TRPV1: variants seen among roughly 807,000 people sequenced by gnomAD.
TRPV1 encodes transient receptor potential cation channel subfamily V member 1.
A neutral mutation model predicts 82.3 loss-of-function variants in TRPV1; 82 were observed. That is an observed-to-expected ratio of 1.00 (90% CI 0.83 to 1.20). The LOEUF (loss-of-function observed/expected upper bound fraction) is 1.20, where lower values mean the gene tolerates loss of function less well. Among genes scored for constraint, TRPV1 ranks in the 50% most tolerant of loss-of-function variants. The probability of loss-of-function intolerance (pLI) is 0.00; values close to 1 mark genes in which losing one functional copy is unlikely to be tolerated. For synonymous variants in TRPV1, 515 were observed against 467.7 expected, an observed-to-expected ratio of 1.10 and a Z score of -1.30; for missense variants, 1,067 against 1,096.8, an observed-to-expected ratio of 0.97 and a Z score of 0.38.
intron 9 of TRPV1, 100 bp downstream of exon 9, chr17:3,585,668 G>A (rs2075074868): frequency 7.0e-7 from 1 of 1,424,614 alleles, no homozygotes; most frequent in East Asian, 2.5e-5. Context: ...GGAGTCCAGG[G>A]CAGAGCCTGG....
chr17:3,576,688 T>TATATATATATATATGC (rs1555549476), intron 13 of TRPV1, among the ~76,000 whole-genome samples: 1 of 99,306 alleles, frequency 1.0e-5, no homozygotes, highest in African/African-American at 3.5e-5. Flanking sequence ...TATATATATA[T>TATATATATATATATGC]ATGCATAAAA....
At chr17:3,588,595 G>A (rs2075113418) in intron 7 of TRPV1, among the ~76,000 whole-genome samples, 1 of 152,038 alleles carries the variant, frequency 6.6e-6, no homozygotes, top group Non-Finnish European at 1.5e-5. Context: ...GATCACCTGA[G>A]GTCAGGATTT....
At chr17:3,573,551 C>CCCCCCCCCCCCCCCCCCCCCTG in intron 14 of TRPV1, 82 bp downstream of exon 14, 1 of 635,234 alleles carries the variant, frequency 1.6e-6, no homozygotes, top group Non-Finnish European at 2.1e-6. Context: ...ACCCACCCAC[C>CCCCCCCCCCCCCCCCCCCCCTG]TGCAGCCAGC....
At chr17:3,576,668 A>AAAAAAAAAAAAAAAAAAAAT in intron 13 of TRPV1, among the ~76,000 whole-genome samples, 2 of 38,426 alleles carry the variant, frequency 5.2e-5, no homozygotes, top group African/African-American at 1.5e-4. Context: ...AAAAAAAAAA[A>AAAAAAAAAAAAAAAAAAAAT]ATATATATAT....
rs571835242 is a variant in TRPV1, at chr17:3,591,859, C to T, written c.284+208G>A. Among the ~76,000 whole-genome samples the T allele has an allele frequency of 1.3e-4, 20 of 152,304 alleles. No homozygotes were observed. In the East Asian group the frequency reaches 3.7e-3, roughly 28 times the overall value. On this transcript the variant is annotated intron_variant, in intron 3 of 16. Coordinates refer to ENST00000572705, the MANE Select transcript of TRPV1 (RefSeq NM_080704.4). The stretch of plus-strand genomic sequence containing the variant: ...GTCTGTGGCTGGTAGGCATTGCGGG[C>T]GTGGACACCTAGACCCAGCACAGAC...
Position 3,585,766 on chromosome 17 carries a change from A to G in TRPV1, c.1383+2T>C. On this transcript the variant is annotated splice_donor_variant, in intron 9 of 16. Transcript: ENST00000572705. LOFTEE classifies it high-confidence loss of function. Reference sequence around the variant, plus strand: ...CCACGAGGCCTGAGCCTCTGGCCGCACCAAGCCATCCACGGGCCTGTAGTA... The same window carrying G: ...CCACGAGGCCTGAGCCTCTGGCCGCGCCAAGCCATCCACGGGCCTGTAGTA... The G allele has an allele frequency of 1.2e-6, 2 of 1,612,582 alleles. No individual in the cohort carries two copies. The highest frequency in any genetic ancestry group is 1.7e-6 in the Non-Finnish European group (2 of 1,179,296).
At chr17:3,593,310 G>A (rs1182012383) in intron 2 of TRPV1, among the ~76,000 whole-genome samples, 1 of 152,126 alleles carries the variant, frequency 6.6e-6, no homozygotes, top group Non-Finnish European at 1.5e-5. Context: ...TAGAGACAGG[G>A]AACGTTTAGG....
chr17:3,576,667 A>AT (rs1298626116), intron 13 of TRPV1, among the ~76,000 whole-genome samples: 880 of 61,532 alleles, frequency 0.014, 5 homozygotes, highest in Non-Finnish European at 0.026. Flanking sequence ...AAAAAAAAAA[A>AT]AATATATATA....
chr17:3,597,719 G>A (rs1015112281), intron 2 of TRPV1, among the ~76,000 whole-genome samples: 2 of 145,946 alleles, frequency 1.4e-5, no homozygotes, highest in Non-Finnish European at 3.0e-5. Context: ...TGTCGTCCAG[G>A]CTGGAGTGCA....
Position 3,566,759 on chromosome 17 carries a change from C to T in TRPV1, c.*56G>A, listed in dbSNP as rs977716395. 1.1e-5 allele frequency: 17 copies of T among 1,579,430 alleles called. No individual in the cohort carries two copies. In the South Asian group the frequency reaches 1.3e-4, roughly 12 times the overall value. ...CACTGGTGTTCCCTCAGCAGCCCCCCGTGGCAACGGGGTCTCCTAAGGCCC... is the reference window on the plus strand; with the variant it reads ...CACTGGTGTTCCCTCAGCAGCCCCCTGTGGCAACGGGGTCTCCTAAGGCCC... On this transcript the variant is annotated 3_prime_UTR_variant, in exon 17 of 17. Coordinates refer to ENST00000572705, the MANE Select transcript of TRPV1 (RefSeq NM_080704.4).
chr17:3,577,513 G>T, intron 12 of TRPV1, 85 bp downstream of exon 12: 1 of 1,459,136 alleles, frequency 6.9e-7, no homozygotes, highest in Non-Finnish European at 9.3e-7. Flanking sequence ...ACGACAGAGA[G>T]GATGGGCGGA....
Position 3,566,799 on chromosome 17 carries a change from T to A in TRPV1, c.*16A>T. The A allele has an allele frequency of 1.2e-6, 2 of 1,612,318 alleles. No homozygotes were observed. Among genetic ancestry groups the A allele is most frequent in the Non-Finnish European group, 1.7e-6 (2 of 1,179,236 alleles). ...TCCTAAGGCCCAGTGTTGACAGTGC[T>A]GTCTGCGTGACGTCCTCACTTCTCC... On this transcript the variant is annotated 3_prime_UTR_variant, in exon 17 of 17. Transcript: ENST00000572705.
At chr17:3,567,389 A>G (rs868699208) in intron 16 of TRPV1, among the ~76,000 whole-genome samples, 143 of 149,450 alleles carry the variant, frequency 9.6e-4, no homozygotes, top group East Asian at 1.0e-3. Context: ...AAAAAAAAAA[A>G]AAGAAGAAGA....
At chr17:3,599,001 G>A (rs976360808) in intron 2 of TRPV1, among the ~76,000 whole-genome samples, 1 of 151,016 alleles carries the variant, frequency 6.6e-6, no homozygotes, top group Admixed American at 6.6e-5. Flanking sequence ...CACTTTGGGA[G>A]GCCGAGGCAG....
intron 15 of TRPV1, 42 bp from the exon 16 acceptor site, chr17:3,571,681 G>C: frequency 6.7e-7 from 1 of 1,502,064 alleles, no homozygotes; most frequent in East Asian, 2.4e-5. Flanking sequence ...GCTGTGCCCA[G>C]CTTCCCGGGC....
At position 3,573,538 on chromosome 17, in the gene TRPV1, A is replaced by T. The variant is rs2456855; in HGVS notation, c.2103+95T>A. The T allele has an allele frequency of 2.8e-5, 7 of 248,584 alleles. 1 individual carries two copies. The highest frequency in any genetic ancestry group is 2.3e-4 in the East Asian group (2 of 8,794). 15.4% of individuals were successfully genotyped at this position (248,584 alleles called of 1,614,324 possible). A position where few individuals can be genotyped will look rare whatever the true frequency, so the allele number is the denominator to read the frequency against. On this transcript the variant is annotated intron_variant, in intron 14 of 16. Transcript: ENST00000572705. ...ACCCTCCTGGCCACACACCGCCCCC[A>T]CCACCCACCCACCTGCAGCCAGCTG...
intron 13 of TRPV1, among the ~76,000 whole-genome samples, chr17:3,576,116 G>A (rs1219675971): frequency 6.6e-6 from 1 of 152,060 alleles, no homozygotes; most frequent in Non-Finnish European, 1.5e-5. Flanking sequence ...CAGCTACTGG[G>A]GAGGCTGAGG....
At chr17:3,577,214 T>TCAGAGCCGAGGCCAGG (rs1223085076) in intron 12 of TRPV1, 22 bp from the exon 13 acceptor site, 1 of 1,568,584 alleles carries the variant, frequency 6.4e-7, no homozygotes, top group Admixed American at 1.9e-5. Context: ...AGCAGGCTCA[T>TCAGAGCCGAGGCCAGG]CAGAGCCGAG....
At chr17:3,605,684 A>G (rs2075292405) in intron 2 of TRPV1, among the ~76,000 whole-genome samples, 1 of 152,152 alleles carries the variant, frequency 6.6e-6, no homozygotes, top group South Asian at 2.1e-4. Flanking sequence ...CTCTGGGCAT[A>G]GAGGTGCTGT....
Sources: gnomAD v4.1 joint callset for allele counts (sites outside exome capture counted in the v4.1 genomes callset) on GRCh38, gnomAD v4.1.1 for gene constraint, MANE v1.5 for transcripts, NCBI Gene and HGNC (gene_info 2026-07-23, HGNC 2026-07-21) for gene names.